Variants in UGT8 observed in about 807,000 individuals in gnomAD.
UGT8 encodes the protein 2-hydroxyacylsphingosine 1-beta-galactosyltransferase.
A neutral mutation model predicts 40.5 loss-of-function variants in UGT8; 12 were observed. The observed-to-expected ratio is 0.30, with a 90% CI of 0.19 to 0.48. UGT8 has a LOEUF of 0.48. UGT8 is among the 20% of genes least tolerant of loss of function. The pLI, the probability that UGT8 is intolerant of heterozygous loss-of-function variation, is 0.99. For missense variants in UGT8, 513 were observed against 648.7 expected (o/e 0.79, Z 2.27); for synonymous variants, 224 against 240.4 (o/e 0.93, Z 0.63).
chr4:114,646,366 C>A (rs1733570815), intron 2 of UGT8, among the ~76,000 whole-genome samples: 1 of 151,572 alleles, frequency 6.6e-6, no homozygotes, highest in African/African-American at 2.4e-5. Flanking sequence ...TATATACATA[C>A]ATATATCTAT....
At chr4:114,606,654 T>G (rs1274985441) in intron 1 of UGT8, among the ~76,000 whole-genome samples, 2 of 152,206 alleles carry the variant, frequency 1.3e-5, no homozygotes, top group Non-Finnish European at 2.9e-5. Flanking sequence ...GAAAATACTT[T>G]GTAGACATTT....
intron 3 of UGT8, 45 bp downstream of exon 3, chr4:114,664,182 A>T: frequency 6.2e-7 from 1 of 1,603,214 alleles, no homozygotes; most frequent in Non-Finnish European, 8.5e-7. Flanking sequence ...GACAATCAAT[A>T]TCTCCTTGTT....
At chr4:114,653,654 TC>T (rs1734011586) in intron 2 of UGT8, among the ~76,000 whole-genome samples, 1 of 152,138 alleles carries the variant, frequency 6.6e-6, no homozygotes, top group Admixed American at 6.6e-5. Flanking sequence ...TAATTGCCTG[TC>T]ACTAAACTGT....
chr4:114,645,891 T>G (rs1222833192), intron 2 of UGT8, among the ~76,000 whole-genome samples: 5 of 152,206 alleles, frequency 3.3e-5, no homozygotes, highest in Non-Finnish European at 7.4e-5. Context: ...GAGTGCATAC[T>G]GTGAGATAGA....
At chr4:114,652,999 T>A (rs1190140913) in intron 2 of UGT8, among the ~76,000 whole-genome samples, 1 of 152,032 alleles carries the variant, frequency 6.6e-6, no homozygotes, top group African/African-American at 2.4e-5. Context: ...AATCTTTCCT[T>A]GAGATGACCA....
chr4:114,660,009 A>G (rs1275030296), intron 2 of UGT8, among the ~76,000 whole-genome samples: 1 of 152,212 alleles, frequency 6.6e-6, no homozygotes, highest in African/African-American at 2.4e-5. Flanking sequence ...GGTTAAAAAT[A>G]AAGATGGATG....
intron 2 of UGT8, among the ~76,000 whole-genome samples, chr4:114,627,324 T>C (rs1578420527): frequency 6.6e-6 from 1 of 150,554 alleles, no homozygotes; most frequent in South Asian, 2.1e-4. Flanking sequence ...AGTGGCATGA[T>C]CTCAGCTCAC....
intron 2 of UGT8, among the ~76,000 whole-genome samples, chr4:114,630,280 A>G (rs191525561): frequency 2.6e-4 from 40 of 152,328 alleles, no homozygotes; most frequent in African/African-American, 7.5e-4. Flanking sequence ...TTTTAGTCAA[A>G]TGGCCCTGAC....
rs1173051047 is a variant in UGT8, at chr4:114,622,969, T to C, written c.89T>C (p.Met30Thr). 2 of 1,614,020 alleles carry C rather than the reference T, an allele frequency of 1.2e-6. No homozygotes were observed. The highest frequency in any genetic ancestry group is 8.5e-7 in the Non-Finnish European group (1 of 1,180,016). Residue 30 changes from methionine (M) to threonine (T), a missense_variant, in exon 2 of 6, where the codon ATG (methionine) becomes ACG (threonine). Met to Thr is a moderately conservative substitution (Grantham distance 81). This residue lies in a region of UGT8 where 335 missense variants were observed against 444.8 expected (regional missense o/e 0.75). Transcript: ENST00000310836. The stretch of plus-strand genomic sequence containing the variant: ...AAAATCATCATCGTGCCGCCAATTA[T>C]GTTTGAAAGCCATATGTACATTTTC... The part of the protein sequence containing the change: ...AAKIIIVPPI[M>T]FESHMYIFKT...
At chr4:114,634,375 T>C (rs1486460064) in intron 2 of UGT8, among the ~76,000 whole-genome samples, 1 of 152,166 alleles carries the variant, frequency 6.6e-6, no homozygotes. Flanking sequence ...GGGAGTTACC[T>C]TCCAAGAGAT....
intron 1 of UGT8, among the ~76,000 whole-genome samples, chr4:114,613,904 TTAAA>T (rs1731234768): frequency 6.6e-6 from 1 of 152,224 alleles, no homozygotes; most frequent in Admixed American, 6.5e-5. Context: ...TCTTTGTGTT[TTAAA>T]TAGTTAAATT....
intron 1 of UGT8, among the ~76,000 whole-genome samples, chr4:114,600,400 C>T (rs1730370767): frequency 6.6e-6 from 1 of 152,132 alleles, no homozygotes; most frequent in Non-Finnish European, 1.5e-5. Flanking sequence ...CTGATAATTT[C>T]ATGTTCAAAA....
intron 1 of UGT8, among the ~76,000 whole-genome samples, chr4:114,616,589 T>C (rs1731452083): frequency 6.6e-6 from 1 of 151,994 alleles, no homozygotes; most frequent in South Asian, 2.1e-4. Context: ...TCATGCTCGG[T>C]GTGTTGCACC....
intron 2 of UGT8, among the ~76,000 whole-genome samples, chr4:114,649,171 T>C (rs1478821441): frequency 1.3e-5 from 2 of 152,040 alleles, no homozygotes; most frequent in Non-Finnish European, 2.9e-5. Context: ...GTGGGTAGAG[T>C]ATTCTAGTTT....
chr4:114,653,701 C>G (rs1000111648), intron 2 of UGT8, among the ~76,000 whole-genome samples: 1 of 152,032 alleles, frequency 6.6e-6, no homozygotes, highest in Non-Finnish European at 1.5e-5. Flanking sequence ...CAAGAGAAAA[C>G]TGGGCTACAA....
At chr4:114,654,061 A>G (rs2126124684) in intron 2 of UGT8, among the ~76,000 whole-genome samples, 1 of 152,194 alleles carries the variant, frequency 6.6e-6, no homozygotes, top group South Asian at 2.1e-4. Flanking sequence ...TAGCTACCAG[A>G]ATTATTTTGG....
At chr4:114,620,947 A>G (rs192503568) in intron 1 of UGT8, among the ~76,000 whole-genome samples, 4 of 152,280 alleles carry the variant, frequency 2.6e-5, no homozygotes, top group African/African-American at 7.2e-5. Context: ...GTGTGTATAA[A>G]TCTATTTTGA....
At chr4:114,661,843 A>AT (rs567526563) in intron 2 of UGT8, among the ~76,000 whole-genome samples, 2 of 152,070 alleles carry the variant, frequency 1.3e-5, no homozygotes, top group Non-Finnish European at 2.9e-5. Context: ...GATGAATATA[A>AT]TTTTTTCTAC....
intron 5 of UGT8, among the ~76,000 whole-genome samples, chr4:114,672,281 A>G (rs574789983): frequency 8.7e-4 from 133 of 152,328 alleles, no homozygotes; most frequent in Non-Finnish European, 1.4e-3. Context: ...AGGATCTAGA[A>G]CCAGAAGTAC....
Sources: allele counts gnomAD v4.1 joint callset (sites outside exome capture counted in the v4.1 genomes callset), GRCh38; gene constraint gnomAD v4.1.1; regional missense constraint gnomAD v4.1.1; transcripts MANE v1.5; gene names NCBI Gene and HGNC (gene_info 2026-07-23, HGNC 2026-07-21).